Variants in KCNIP4 observed in about 807,000 individuals in gnomAD.
KCNIP4 encodes the protein Kv channel-interacting protein 4.
KCNIP4 carries 12 observed loss-of-function variants against 34.0 expected under a neutral mutation model. That is an observed-to-expected ratio of 0.35 (90% CI 0.23 to 0.57). The LOEUF (loss-of-function observed/expected upper bound fraction) is 0.57, where lower values mean the gene tolerates loss of function less well. Ranked by LOEUF, KCNIP4 falls within the 20% of genes least tolerant of loss-of-function variation. The probability of loss-of-function intolerance (pLI) is 0.83; values close to 1 mark genes in which losing one functional copy is unlikely to be tolerated. For missense variants in KCNIP4, 238 were observed against 311.7 expected (o/e 0.76, Z 1.78); for synonymous variants, 124 against 102.2 (o/e 1.21, Z -1.29).
chr4:21,640,243 G>T (rs1746512294), intron 1 of KCNIP4, among the ~76,000 whole-genome samples: 2 of 152,154 alleles, frequency 1.3e-5, no homozygotes, highest in Non-Finnish European at 2.9e-5. Context: ...GCGACTGAGG[G>T]CTGCCACTTG....
At chr4:20,943,591 C>T (rs1294279868) in intron 1 of KCNIP4, among the ~76,000 whole-genome samples, 1 of 152,132 alleles carries the variant, frequency 6.6e-6, no homozygotes, top group Non-Finnish European at 1.5e-5. Flanking sequence ...GGATGGCTAA[C>T]CCCATTTTAT....
chr4:21,421,138 A>C (rs1725418766), intron 1 of KCNIP4, among the ~76,000 whole-genome samples: 1 of 152,202 alleles, frequency 6.6e-6, no homozygotes, highest in Admixed American at 6.5e-5. Flanking sequence ...AAAGATAGCT[A>C]GTGTTGGTGA....
intron 1 of KCNIP4, among the ~76,000 whole-genome samples, chr4:21,042,538 G>A (rs1294399089): frequency 6.6e-6 from 1 of 152,082 alleles, no homozygotes; most frequent in Non-Finnish European, 1.5e-5. Context: ...TGAAGCAGAG[G>A]GGGAGGGGAG....
chr4:21,571,016 G>A lies in KCNIP4; in HGVS notation c.61+377555C>T, dbSNP rs149548190. The stretch of plus-strand genomic sequence containing the variant: ...TCTCTTAAGCATTACATGCTTCTCC[G>A]TTTGAGAAAAGGACATCTAGACTCA... On this transcript the variant is annotated intron_variant, in intron 1 of 8. Coordinates refer to ENST00000382152, the MANE Select transcript of KCNIP4 (RefSeq NM_025221.6). Among the ~76,000 whole-genome samples, 438 of 152,216 alleles carry A rather than the reference G, an allele frequency of 2.9e-3. 3 individuals are homozygous for A. Among genetic ancestry groups the A allele is most frequent in the African/African-American group, 9.9e-3 (412 of 41,518 alleles).
chr4:21,762,212 A>G (rs748605801), intron 1 of KCNIP4, among the ~76,000 whole-genome samples: 26 of 152,250 alleles, frequency 1.7e-4, no homozygotes, highest in Non-Finnish European at 2.8e-4. Context: ...TTAATAATAT[A>G]TTCAACTCAA....
chr4:21,095,994 G>T (rs1747430350), intron 1 of KCNIP4, among the ~76,000 whole-genome samples: 1 of 152,100 alleles, frequency 6.6e-6, no homozygotes, highest in African/African-American at 2.4e-5. Flanking sequence ...ATTGCATGTG[G>T]TTACAAATTT....
At chr4:21,398,057 G>A (rs1250993029) in intron 1 of KCNIP4, among the ~76,000 whole-genome samples, 6 of 152,292 alleles carry the variant, frequency 3.9e-5, no homozygotes, top group East Asian at 3.9e-4. Context: ...GACCTCACAA[G>A]TTCATTATAG....
chr4:21,630,914 ATGT>A (rs1276106863), intron 1 of KCNIP4, among the ~76,000 whole-genome samples: 1 of 152,132 alleles, frequency 6.6e-6, no homozygotes. Flanking sequence ...AACAAATCCC[ATGT>A]TGTGTCTTGA....
At chr4:20,848,364 A>T (rs1720622971) in intron 3 of KCNIP4, among the ~76,000 whole-genome samples, 1 of 151,928 alleles carries the variant, frequency 6.6e-6, no homozygotes, top group Admixed American at 6.6e-5. Flanking sequence ...GGTGAAAAAA[A>T]GGAAAGCAAG....
intron 3 of KCNIP4, among the ~76,000 whole-genome samples, chr4:20,835,462 T>TTA (rs1560501382): frequency 7.9e-5 from 12 of 152,010 alleles, no homozygotes; most frequent in African/African-American, 2.9e-4. Context: ...ATTATTATTT[T>TTA]AAAAAAACCT....
At chr4:21,618,630 C>CTTTTTTTTTTTTTTTTTTTTTTT (rs58967707) in intron 1 of KCNIP4, among the ~76,000 whole-genome samples, 22 of 81,790 alleles carry the variant, frequency 2.7e-4, no homozygotes, top group Non-Finnish European at 3.8e-4. Flanking sequence ...TTTTCTTTTT[C>CTTTTTTTTTTTTTTTTTTTTTTT]TTTTTTTTTT....
chr4:21,716,447 A>C (rs994214980), intron 1 of KCNIP4, among the ~76,000 whole-genome samples: 1 of 151,876 alleles, frequency 6.6e-6, no homozygotes, highest in African/African-American at 2.4e-5. Flanking sequence ...AGTGTTGGCC[A>C]CGCTGGTCTC....
intron 1 of KCNIP4, among the ~76,000 whole-genome samples, chr4:20,923,044 T>A (rs1729562684): frequency 6.6e-6 from 1 of 152,120 alleles, no homozygotes; most frequent in South Asian, 2.1e-4. Flanking sequence ...CCTCAGTAGA[T>A]AATTTCAAAG....
At chr4:21,554,198 G>T (rs1406916823) in intron 1 of KCNIP4, among the ~76,000 whole-genome samples, 1 of 152,108 alleles carries the variant, frequency 6.6e-6, no homozygotes, top group African/African-American at 2.4e-5. Flanking sequence ...CATGCAATAT[G>T]GGGGACATGT....
intron 3 of KCNIP4, among the ~76,000 whole-genome samples, chr4:20,835,044 T>C (rs1188497940): frequency 6.6e-6 from 1 of 152,188 alleles, no homozygotes; most frequent in Non-Finnish European, 1.5e-5. Context: ...TTCTTTTTTT[T>C]CTCCTGTTAG....
At chr4:21,141,884 G>A (rs1004048325) in intron 1 of KCNIP4, among the ~76,000 whole-genome samples, 2 of 151,638 alleles carry the variant, frequency 1.3e-5, no homozygotes, top group African/African-American at 4.8e-5. Flanking sequence ...AAAAACCCTG[G>A]CTCAAGTCTG....
chr4:21,712,833 C>T (rs141433560), intron 1 of KCNIP4, among the ~76,000 whole-genome samples: 8 of 152,126 alleles, frequency 5.3e-5, no homozygotes, highest in East Asian at 3.9e-4. Context: ...TCTTCATTGC[C>T]CTCCTTTTTA....
chr4:20,785,380 TGGGA>T (rs772224283), intron 3 of KCNIP4, among the ~76,000 whole-genome samples: 69 of 151,410 alleles, frequency 4.6e-4, no homozygotes, highest in Non-Finnish European at 8.8e-4. Flanking sequence ...CTGCCAACCT[TGGGA>T]ATGGATTGAT....
chr4:20,811,514 T>C (rs62410689), intron 3 of KCNIP4, among the ~76,000 whole-genome samples: 2,406 of 80,696 alleles, frequency 0.03, 57 homozygotes, highest in African/African-American at 0.082. Flanking sequence ...TGTGTGTGTG[T>C]GCGCGCGCGC....
Sources: gnomAD v4.1 joint callset for allele counts (sites outside exome capture counted in the v4.1 genomes callset) on GRCh38, gnomAD v4.1.1 for gene constraint, MANE v1.5 for transcripts, NCBI Gene and HGNC (gene_info 2026-07-23, HGNC 2026-07-21) for gene names.